Variants in AGMO observed in about 807,000 individuals in gnomAD.
AGMO encodes alkylglycerol monooxygenase.
Under a neutral mutation model 60.2 loss-of-function variants are expected in AGMO, and 75 were observed. That is an observed-to-expected ratio of 1.25 (90% confidence interval 1.03 to 1.51). The LOEUF is 1.51. AGMO is among the 40% of genes most tolerant of loss of function. AGMO has a pLI of 0.00. For missense variants in AGMO, 763 were observed against 525.5 expected, an observed-to-expected ratio of 1.45 and a Z score of -4.42; for synonymous variants, 261 against 177.1, an observed-to-expected ratio of 1.47 and a Z score of -3.76.
intron 12 of AGMO, among the ~76,000 whole-genome samples, chr7:15,313,659 C>T (rs1407337537): frequency 6.6e-6 from 1 of 151,966 alleles, no homozygotes; most frequent in African/African-American, 2.4e-5. Context: ...AAAATGGTTC[C>T]CCCTTATCTA....
chr7:15,185,103 T>A, the AGMO span, among the ~76,000 whole-genome samples: 1 of 152,182 alleles, frequency 6.6e-6, no homozygotes, highest in African/African-American at 2.4e-5. Context: ...AATATTCATA[T>A]AAGGTTAAAA....
At chr7:15,342,433 T>C (rs1383271287) in intron 12 of AGMO, among the ~76,000 whole-genome samples, 1 of 152,118 alleles carries the variant, frequency 6.6e-6, no homozygotes, top group East Asian at 1.9e-4. Context: ...ATCTTTAAAA[T>C]CCGGTGCTAA....
At position 15,406,938 on chromosome 7, in the gene AGMO, C is replaced by T. The variant is rs536202275; in HGVS notation, c.609+11620G>A. Reference sequence around the variant, plus strand: ...TGTTTGGAATACACACGCGCACACACACACACACACACACGTATATTCCAT... The same window carrying T: ...TGTTTGGAATACACACGCGCACACATACACACACACACACGTATATTCCAT... On this transcript the variant is annotated intron_variant, in intron 5 of 12. Coordinates refer to ENST00000342526, the MANE Select transcript of AGMO (RefSeq NM_001004320.2). Among the ~76,000 whole-genome samples, 6 of 136,940 alleles carry T rather than the reference C, an allele frequency of 4.4e-5. No homozygotes were observed. The East Asian group carries it at 6.2e-4, about 14-fold the overall frequency. The allele number at this position is 136,940 out of a possible 152,430, so 89.8% of individuals were successfully genotyped here. A position where few individuals can be genotyped will look rare whatever the true frequency, so the allele number is the denominator to read the frequency against.
At chr7:15,205,101 C>T (rs557917134) in intron 12 of AGMO, among the ~76,000 whole-genome samples, 1 of 152,288 alleles carries the variant, frequency 6.6e-6, no homozygotes, top group South Asian at 2.1e-4. Flanking sequence ...TCTCAAATTG[C>T]AAACCCTCAA....
At chr7:15,449,332 TTCTCTC>T (rs71004379) in intron 3 of AGMO, among the ~76,000 whole-genome samples, 4,193 of 149,812 alleles carry the variant, frequency 0.028, 76 homozygotes, top group Middle Eastern at 0.044. Flanking sequence ...GTGCTTCTCT[TTCTCTC>T]TCTCTCTCTC....
the AGMO span, among the ~76,000 whole-genome samples, chr7:15,176,277 T>A: frequency 6.6e-6 from 1 of 151,938 alleles, no homozygotes; most frequent in Non-Finnish European, 1.5e-5. Context: ...CTCCTCTGCA[T>A]GATGAAGACT....
the AGMO span, among the ~76,000 whole-genome samples, chr7:15,180,421 AAG>A: frequency 1.3e-5 from 2 of 152,090 alleles, no homozygotes; most frequent in African/African-American, 4.8e-5. Context: ...CAATTCTGCC[AAG>A]GTCTTTCCTA....
At chr7:15,338,164 TTAAG>T (rs992521620) in intron 12 of AGMO, among the ~76,000 whole-genome samples, 7 of 152,194 alleles carry the variant, frequency 4.6e-5, no homozygotes, top group Admixed American at 1.3e-4. Flanking sequence ...ATTAAATTTT[TTAAG>T]TAAGGTGGAA....
chr7:15,540,284 T>C (rs535113061), intron 3 of AGMO, among the ~76,000 whole-genome samples: 11 of 152,154 alleles, frequency 7.2e-5, no homozygotes, highest in Non-Finnish European at 1.5e-4. Context: ...AGAAACTTAC[T>C]AAATAGAGTA....
In AGMO at chr7:15,322,636, A is replaced by ATG. The variant is rs1781188144; in HGVS notation, c.1263+42877_1263+42878insCA. 2.8e-5 allele frequency among the ~76,000 whole-genome samples: 2 copies of ATG among 70,706 alleles called. 1 individual carries two copies. Among genetic ancestry groups the ATG allele is most frequent in the Non-Finnish European group, 4.7e-5 (2 of 42,544 alleles). The allele number at this position is 70,706 out of a possible 152,430, so 46.4% of individuals were successfully genotyped here. A position where few individuals can be genotyped will look rare whatever the true frequency, so the allele number is the denominator to read the frequency against. ...TAAATATATAAATATATATAAATAT[A>ATG]TATAAATATATAAATATATATATAA... On this transcript the variant is annotated intron_variant, in intron 12 of 12. Coordinates refer to ENST00000342526, the MANE Select transcript of AGMO (RefSeq NM_001004320.2).
At chr7:15,204,761 C>T (rs1041250314) in intron 12 of AGMO, among the ~76,000 whole-genome samples, 2 of 152,144 alleles carry the variant, frequency 1.3e-5, no homozygotes, top group Admixed American at 6.5e-5. Flanking sequence ...AAAAGTTCAT[C>T]AATTGGCAGG....
At position 15,397,830 on chromosome 7, in the gene AGMO, A is replaced by G. The variant is rs796076364; in HGVS notation, c.610-3651T>C. On this transcript the variant is annotated intron_variant, in intron 5 of 12. Transcript: ENST00000342526. ...ATATATAGCTCTTATAAAAGAATAC[A>G]CTCCTATGAAGTAAAGCACACACTG... Among the ~76,000 whole-genome samples the G allele has an allele frequency of 7.9e-5, 12 of 152,300 alleles. 1 individual carries two copies. The highest frequency in any genetic ancestry group is 2.9e-4 in the African/African-American group (12 of 41,556).
the AGMO span, among the ~76,000 whole-genome samples, chr7:15,158,359 A>G: frequency 6.6e-6 from 1 of 152,190 alleles, no homozygotes; most frequent in Non-Finnish European, 1.5e-5. Flanking sequence ...TCACATTCTA[A>G]AAGAGAAACT....
chr7:15,409,374 T>C (rs540240095), intron 5 of AGMO, among the ~76,000 whole-genome samples: 5 of 152,024 alleles, frequency 3.3e-5, no homozygotes, highest in Admixed American at 2.0e-4. Context: ...GATAAATGTA[T>C]TGTTTGAGGA....
At chr7:15,357,247 G>C (rs1018816866) in intron 12 of AGMO, among the ~76,000 whole-genome samples, 11 of 146,670 alleles carry the variant, frequency 7.5e-5, no homozygotes, top group Admixed American at 6.9e-4. Flanking sequence ...GAACCCAAAA[G>C]TACGTATATA....
At chr7:15,535,414 T>G (rs1237546904) in intron 3 of AGMO, among the ~76,000 whole-genome samples, 1 of 151,880 alleles carries the variant, frequency 6.6e-6, no homozygotes, top group African/African-American at 2.4e-5. Flanking sequence ...ATAAGAAAAT[T>G]GTTTGGTTTT....
At chr7:15,354,461 CGTGTGTGTATACACACGT>C (rs1435345942) in intron 12 of AGMO, among the ~76,000 whole-genome samples, 3 of 16,428 alleles carry the variant, frequency 1.8e-4, no homozygotes, top group Admixed American at 7.6e-4. Context: ...TGTATACACA[CGTGTGTGTATACACACGT>C]GTGTATATAC....
intron 12 of AGMO, among the ~76,000 whole-genome samples, chr7:15,238,812 A>G (rs1026006996): frequency 6.6e-6 from 1 of 152,124 alleles, no homozygotes; most frequent in African/African-American, 2.4e-5. Context: ...AAAATGTCAT[A>G]GAAAGTCATA....
chr7:15,342,525 G>A (rs1781888204), intron 12 of AGMO, among the ~76,000 whole-genome samples: 2 of 151,696 alleles, frequency 1.3e-5, no homozygotes, highest in South Asian at 4.2e-4. Context: ...CTAGTATATT[G>A]AGAGAAAGGC....
Sources: gnomAD v4.1 joint callset for allele counts (sites outside exome capture counted in the v4.1 genomes callset) on GRCh38, gnomAD v4.1.1 for gene constraint, MANE v1.5 for transcripts, NCBI Gene and HGNC (gene_info 2026-07-23, HGNC 2026-07-21) for gene names.